The following CSMD3 variants were observed in gnomAD, a reference collection of about 807,000 sequenced individuals.
CSMD3 encodes CUB and sushi domain-containing protein 3.
In CSMD3, 177 loss-of-function variants were observed where a neutral mutation model predicts 435.2. That is an observed-to-expected ratio of 0.41 (90% CI 0.36 to 0.46). The LOEUF is 0.46. Ranked by LOEUF, CSMD3 falls within the 20% of genes least tolerant of loss-of-function variation. The pLI is 0.34. For missense variants in CSMD3, 4,265 were observed against 4,504.6 expected, an observed-to-expected ratio of 0.95 and a Z score of 1.52; for synonymous variants, 1,656 against 1,520.5, an observed-to-expected ratio of 1.09 and a Z score of -2.07.
chr8:113,248,202 C>T (rs1453467536), intron 3 of CSMD3, among the ~76,000 whole-genome samples: 6 of 151,674 alleles, frequency 4.0e-5, no homozygotes, highest in Admixed American at 6.6e-5. Flanking sequence ...TCTGAACTGG[C>T]TCTCGTTAGT....
chr8:112,224,714 T>C lies in CSMD3; in HGVS notation c.*57A>G. 6.4e-7 allele frequency: 1 copy of C among 1,555,052 alleles called. No individual in the cohort carries two copies. The highest frequency in any genetic ancestry group is 8.9e-7 in the Non-Finnish European group (1 of 1,126,120). On this transcript the variant is annotated 3_prime_UTR_variant, in exon 71 of 71. Transcript: ENST00000297405. ...TTAATTTGTTTAGCAGTGAACTAAATGTGCACTGTTTTGTGTGTCGATTTC... is the reference window on the plus strand; with the variant it reads ...TTAATTTGTTTAGCAGTGAACTAAACGTGCACTGTTTTGTGTGTCGATTTC...
At chr8:112,386,018 G>A (rs901317800) in intron 36 of CSMD3, among the ~76,000 whole-genome samples, 2 of 152,064 alleles carry the variant, frequency 1.3e-5, no homozygotes, top group Non-Finnish European at 2.9e-5. Context: ...AAGGAGATTC[G>A]ACATTCATAG....
intron 20 of CSMD3, among the ~76,000 whole-genome samples, chr8:112,640,861 G>A (rs544501650): frequency 1.2e-4 from 18 of 151,988 alleles, no homozygotes; most frequent in Non-Finnish European, 2.1e-4. Flanking sequence ...TAGACAATAG[G>A]AGAGTAGATT....
intron 24 of CSMD3, among the ~76,000 whole-genome samples, chr8:112,557,532 G>A (rs984731369): frequency 2.0e-5 from 3 of 151,958 alleles, no homozygotes; most frequent in African/African-American, 7.2e-5. Flanking sequence ...TCTCCGTGGA[G>A]GGGAGAAGGA....
At chr8:112,482,276 A>G (rs1232825982) in intron 31 of CSMD3, among the ~76,000 whole-genome samples, 1 of 152,202 alleles carries the variant, frequency 6.6e-6, no homozygotes, top group Non-Finnish European at 1.5e-5. Flanking sequence ...TAGATCTTCC[A>G]TGTTACCACA....
intron 2 of CSMD3, among the ~76,000 whole-genome samples, chr8:113,301,085 G>A (rs1447868676): frequency 6.6e-6 from 1 of 152,004 alleles, no homozygotes; most frequent in African/African-American, 2.4e-5. Flanking sequence ...ACATGTTCAT[G>A]TATGATTAAA....
intron 3 of CSMD3, among the ~76,000 whole-genome samples, chr8:113,247,695 CA>C (rs765272061): frequency 1.4e-4 from 22 of 152,174 alleles, no homozygotes; most frequent in Non-Finnish European, 2.8e-4. Context: ...AAAGTTACTA[CA>C]TAGAATTAAT....
intron 12 of CSMD3, among the ~76,000 whole-genome samples, chr8:112,820,252 A>T (rs2079491322): frequency 6.6e-6 from 1 of 152,188 alleles, no homozygotes; most frequent in South Asian, 2.1e-4. Context: ...ACATCAAATG[A>T]GAATGGATTA....
At chr8:113,331,703 G>T (rs1016116776) in intron 1 of CSMD3, among the ~76,000 whole-genome samples, 1 of 151,534 alleles carries the variant, frequency 6.6e-6, no homozygotes, top group African/African-American at 2.4e-5. Flanking sequence ...AATAGAAAAA[G>T]AATATATATT....
intron 5 of CSMD3, among the ~76,000 whole-genome samples, chr8:113,060,554 T>C (rs571659966): frequency 1.3e-5 from 2 of 152,288 alleles, no homozygotes; most frequent in South Asian, 4.1e-4. Flanking sequence ...CAATTAACTA[T>C]AGACACAAAT....
At chr8:113,180,414 C>T (rs1310685538) in intron 3 of CSMD3, among the ~76,000 whole-genome samples, 6 of 151,942 alleles carry the variant, frequency 3.9e-5, no homozygotes, top group African/African-American at 1.4e-4. Context: ...TTTTGAATCA[C>T]CTATTGCATC....
At chr8:112,625,856 A>C (rs1239301932) in intron 22 of CSMD3, among the ~76,000 whole-genome samples, 2 of 152,100 alleles carry the variant, frequency 1.3e-5, no homozygotes, top group African/African-American at 4.8e-5. Flanking sequence ...ATTTGTCTCT[A>C]TGTTTTCTCT....
intron 40 of CSMD3, among the ~76,000 whole-genome samples, chr8:112,347,069 A>T (rs72674718): frequency 0.18 from 27,320 of 152,090 alleles, 3,035 homozygotes; most frequent in Middle Eastern, 0.35. Context: ...GAATCAAGAC[A>T]AAAAATAGAG....
intron 31 of CSMD3, among the ~76,000 whole-genome samples, chr8:112,480,343 C>G (rs1362237352): frequency 1.3e-5 from 2 of 152,064 alleles, no homozygotes; most frequent in African/African-American, 4.8e-5. Context: ...GGATTTCATG[C>G]TGGAATGATT....
chr8:112,710,875 T>C (rs2076596097), intron 13 of CSMD3, among the ~76,000 whole-genome samples: 1 of 151,566 alleles, frequency 6.6e-6, no homozygotes, highest in South Asian at 2.1e-4. Context: ...TGCATATTTC[T>C]GCTTCCCTTT....
At chr8:113,249,622 G>A (rs1415280275) in intron 3 of CSMD3, among the ~76,000 whole-genome samples, 1 of 151,974 alleles carries the variant, frequency 6.6e-6, no homozygotes, top group African/African-American at 2.4e-5. Context: ...GGTTGTACGT[G>A]TTTTGAATAT....
chr8:112,879,217 C>T (rs543329821), intron 10 of CSMD3, among the ~76,000 whole-genome samples: 1 of 152,198 alleles, frequency 6.6e-6, no homozygotes, highest in South Asian at 2.1e-4. Flanking sequence ...AGAATACATT[C>T]CCAGGAGGAA....
chr8:112,290,789 C>T (rs183431980), intron 56 of CSMD3, among the ~76,000 whole-genome samples: 1 of 152,154 alleles, frequency 6.6e-6, no homozygotes, highest in Non-Finnish European at 1.5e-5. Context: ...AAGTCCAAGA[C>T]TCACCAACTG....
chr8:113,110,769 G>A (rs192790614), intron 4 of CSMD3, among the ~76,000 whole-genome samples: 1 of 152,204 alleles, frequency 6.6e-6, no homozygotes, highest in East Asian at 1.9e-4. Context: ...CACATGTTTA[G>A]GTATTGTTGC....
Sources: gnomAD v4.1 joint callset for allele counts (sites outside exome capture counted in the v4.1 genomes callset) on GRCh38, gnomAD v4.1.1 for gene constraint, MANE v1.5 for transcripts, NCBI Gene and HGNC (gene_info 2026-07-23, HGNC 2026-07-21) for gene names.